The following ABCB11 variants were observed in gnomAD, a reference collection of about 807,000 sequenced individuals.
ABCB11 encodes bile salt export pump.
Under a neutral mutation model 148.0 loss-of-function variants are expected in ABCB11, and 95 were observed. The observed-to-expected ratio is 0.64, with a 90% confidence interval of 0.54 to 0.76. The LOEUF is 0.76. ABCB11 is among the 30% of genes least tolerant of loss of function. ABCB11 has a pLI of 0.00. For missense variants in ABCB11, 1,523 were observed against 1,617.8 expected, an observed-to-expected ratio of 0.94 and a Z score of 1.01; for synonymous variants, 591 against 555.4, an observed-to-expected ratio of 1.06 and a Z score of -0.90.
At chr2:168,935,827 G>A (rs1034295655) in intron 22 of ABCB11, among the ~76,000 whole-genome samples, 5 of 152,218 alleles carry the variant, frequency 3.3e-5, no homozygotes, top group Non-Finnish European at 7.3e-5. Flanking sequence ...GCAAAGGCAT[G>A]TGCCATTAAA....
intron 1 of ABCB11, among the ~76,000 whole-genome samples, chr2:169,019,008 G>A (rs1280994762): frequency 2.7e-5 from 4 of 150,174 alleles, no homozygotes; most frequent in African/African-American, 1.0e-4. Context: ...AGGACTGTAA[G>A]TGCCCCAAAT....
Position 169,029,752 on chromosome 2 carries a change from T to TG in ABCB11, c.-28+1472dup, listed in dbSNP as rs1695807580. ...TTTTTTTTTTTTTTTTTTTTTTTTTTGAGAGGAGTCTCGCTCTGTCGCCCA... is the reference window on the plus strand; with the variant it reads ...TTTTTTTTTTTTTTTTTTTTTTTTTTGGAGAGGAGTCTCGCTCTGTCGCCCA... On this transcript the variant is annotated intron_variant, in intron 1 of 27. Transcript: ENST00000650372. 1.3e-4 allele frequency among the ~76,000 whole-genome samples: 16 copies of TG among 123,818 alleles called. No individual in the cohort carries two copies. In the South Asian group the frequency reaches 4.5e-3, roughly 35 times the overall value. The allele number at this position is 123,818 out of a possible 152,430, so 81.2% of individuals were successfully genotyped here.
At chr2:168,918,260 C>T (rs778440575), downstream of ABCB11, among the ~76,000 whole-genome samples, 3 of 152,094 alleles carry the variant, frequency 2.0e-5, no homozygotes, top group Non-Finnish European at 2.9e-5. Context: ...TGCCAAGTAC[C>T]GAGTAAAGCA....
intron 2 of ABCB11, among the ~76,000 whole-genome samples, chr2:169,017,282 G>C (rs992429291): frequency 2.6e-5 from 4 of 152,080 alleles, no homozygotes; most frequent in Non-Finnish European, 4.4e-5. Context: ...GAAGCCATAG[G>C]ATTGAGACCA....
At chr2:168,969,574 A>G (rs1157614727) in intron 15 of ABCB11, 23 bp from the exon 16 acceptor site, 4 of 1,596,698 alleles carry the variant, frequency 2.5e-6, no homozygotes, top group Non-Finnish European at 3.4e-6. Flanking sequence ...ACAGTGCACC[A>G]TTAAACAAAA....
intron 17 of ABCB11, among the ~76,000 whole-genome samples, chr2:168,965,458 G>C (rs2105949531): frequency 6.6e-6 from 1 of 151,906 alleles, no homozygotes; most frequent in East Asian, 2.0e-4. Context: ...AGCTGAGAAA[G>C]GAAGAGAGAG....
At chr2:169,015,032 C>T (rs1035782102) in intron 3 of ABCB11, among the ~76,000 whole-genome samples, 18 of 152,158 alleles carry the variant, frequency 1.2e-4, no homozygotes, top group Middle Eastern at 3.4e-3. Flanking sequence ...CTCATTTTCT[C>T]GCTTCCTTCC....
intron 11 of ABCB11, among the ~76,000 whole-genome samples, chr2:168,977,613 C>T (rs1693965524): frequency 1.3e-5 from 2 of 152,136 alleles, no homozygotes; most frequent in African/African-American, 2.4e-5. Flanking sequence ...AGTCCATTTT[C>T]ACACCGCTAT....
chr2:168,984,843 T>C (rs1483318248), intron 10 of ABCB11, among the ~76,000 whole-genome samples: 2 of 152,148 alleles, frequency 1.3e-5, no homozygotes, highest in South Asian at 2.1e-4. Context: ...AAGATAACAT[T>C]GGAAAAGCCC....
At chr2:169,005,625 A>G (rs1694996311) in intron 5 of ABCB11, among the ~76,000 whole-genome samples, 1 of 152,130 alleles carries the variant, frequency 6.6e-6, no homozygotes, top group African/African-American at 2.4e-5. Flanking sequence ...CCAGACCACA[A>G]GCCTCCCCAT....
intron 14 of ABCB11, 62 bp downstream of exon 14, chr2:168,971,785 G>C: frequency 6.7e-7 from 1 of 1,483,292 alleles, no homozygotes; most frequent in Non-Finnish European, 9.4e-7. Context: ...GTGTATAATT[G>C]TGCAACTTTT....
At chr2:168,964,072 CTCTG>C (rs1406499524) in intron 18 of ABCB11, 130 bp downstream of exon 18, 9 of 574,502 alleles carry the variant, frequency 1.6e-5, no homozygotes, top group East Asian at 5.7e-5. Context: ...GGTCTTAATG[CTCTG>C]TCTTTTAGTC....
downstream of ABCB11, among the ~76,000 whole-genome samples, chr2:168,919,540 C>T (rs1691016443): frequency 6.6e-6 from 1 of 152,080 alleles, no homozygotes; most frequent in Non-Finnish European, 1.5e-5. Context: ...CCTAATCATC[C>T]TGGAGATTCC....
intron 1 of ABCB11, among the ~76,000 whole-genome samples, chr2:169,026,289 C>A (rs751694251): frequency 2.5e-4 from 38 of 152,160 alleles, no homozygotes; most frequent in South Asian, 4.1e-4. Flanking sequence ...TCACTCTGAA[C>A]TTTGGTAGTC....
chr2:168,993,709 A>G lies in ABCB11; in HGVS notation c.783+2T>C. ...TGGAGAGATGCAAAAAGACATTCTTACCAGACCAATGGTGGCTGCTCCAAT... is the reference window on the plus strand; with the variant it reads ...TGGAGAGATGCAAAAAGACATTCTTGCCAGACCAATGGTGGCTGCTCCAAT... On this transcript the variant is annotated splice_donor_variant, in intron 8 of 27. Transcript: ENST00000650372. LOFTEE classifies it high-confidence loss of function. 1 of 1,607,090 alleles carries G rather than the reference A, an allele frequency of 6.2e-7. No individual in the cohort carries two copies. The highest frequency in any genetic ancestry group is 1.3e-5 in the African/African-American group (1 of 74,806).
intron 8 of ABCB11, among the ~76,000 whole-genome samples, chr2:168,992,878 C>T (rs569015972): frequency 2.9e-4 from 44 of 152,078 alleles, no homozygotes; most frequent in African/African-American, 2.9e-4. Context: ...TATTGCTCAA[C>T]GATGTGTGAG....
chr2:168,988,270 G>A (rs574884340), intron 9 of ABCB11, among the ~76,000 whole-genome samples: 8 of 151,732 alleles, frequency 5.3e-5, no homozygotes, highest in Non-Finnish European at 1.2e-4. Flanking sequence ...CCCAGTTCTC[G>A]CCTGCCCCCT....
chr2:168,936,215 G>T lies in ABCB11; in HGVS notation c.2814+15C>A. The stretch of plus-strand genomic sequence containing the variant: ...TCAGCCATGAGGAATGGGAAAATTA[G>T]ATCTGCAAGATTACCTGTCCCACCA... On this transcript the variant is annotated intron_variant, in intron 22 of 27. Coordinates refer to ENST00000650372, the MANE Select transcript of ABCB11 (RefSeq NM_003742.4). 1 of 1,609,776 alleles carries T rather than the reference G, an allele frequency of 6.2e-7. No homozygotes were observed. Among genetic ancestry groups the T allele is most frequent in the South Asian group, 1.1e-5 (1 of 90,712 alleles).
Position 168,990,216 on chromosome 2 carries a change from A to C in ABCB11, c.908+585T>G, listed in dbSNP as rs72623181. On this transcript the variant is annotated intron_variant, in intron 9 of 27. Coordinates refer to ENST00000650372, the MANE Select transcript of ABCB11 (RefSeq NM_003742.4). ...CTTTAAATGTCTGGTAAAATTCAGC[A>C]ATGAAGCTATCAGGTCCTGGGCTTT... 0.015 allele frequency among the ~76,000 whole-genome samples: 2,283 copies of C among 152,194 alleles called. 248 individuals are homozygous for C. The East Asian group carries it at 0.29, about 20-fold the overall frequency.
Sources: allele counts gnomAD v4.1 joint callset (sites outside exome capture counted in the v4.1 genomes callset), GRCh38; gene constraint gnomAD v4.1.1; transcripts MANE v1.5; gene names NCBI Gene and HGNC (gene_info 2026-07-23, HGNC 2026-07-21).